The following DNAAF9 variants were observed in gnomAD, a reference collection of about 807,000 sequenced individuals.
The protein encoded by DNAAF9 is shulin.
DNAAF9 carries 90 observed loss-of-function variants against 167.0 expected under a neutral mutation model. The observed-to-expected ratio is 0.54, with a 90% confidence interval of 0.45 to 0.64. The LOEUF (loss-of-function observed/expected upper bound fraction) is 0.64, where lower values mean the gene tolerates loss of function less well. DNAAF9 is among the 30% of genes least tolerant of loss of function. DNAAF9 has a pLI of 0.00. For synonymous variants in DNAAF9, 491 were observed against 508.8 expected, an observed-to-expected ratio of 0.96 and a Z score of 0.47; for missense variants, 1,315 against 1,442.2, an observed-to-expected ratio of 0.91 and a Z score of 1.43.
chr20:3,372,307 A>G (rs2083521376), intron 6 of DNAAF9, among the ~76,000 whole-genome samples: 1 of 152,202 alleles, frequency 6.6e-6, no homozygotes, highest in South Asian at 2.1e-4. Flanking sequence ...AGGGGAAAGA[A>G]GACTGAGGTG....
chr20:3,282,999 A>G (rs1489564072), intron 27 of DNAAF9, among the ~76,000 whole-genome samples: 1 of 152,166 alleles, frequency 6.6e-6, no homozygotes, highest in African/African-American at 2.4e-5. Context: ...TGTCTCCATA[A>G]TAAGAATGTC....
chr20:3,281,559 T>C (rs2068764541), intron 28 of DNAAF9, 82 bp downstream of exon 28: 2 of 1,331,562 alleles, frequency 1.5e-6, no homozygotes, highest in East Asian at 2.5e-5. Flanking sequence ...AGGTGACTAA[T>C]GCATTCCAAA....
At chr20:3,368,814 G>A (rs1015276997) in intron 6 of DNAAF9, among the ~76,000 whole-genome samples, 7 of 149,572 alleles carry the variant, frequency 4.7e-5, no homozygotes, top group South Asian at 2.3e-4. Flanking sequence ...CACTGCGCCC[G>A]GCCATCCTGG....
intron 10 of DNAAF9, among the ~76,000 whole-genome samples, chr20:3,336,479 C>A (rs1600809916): frequency 6.6e-6 from 1 of 151,282 alleles, no homozygotes; most frequent in East Asian, 1.9e-4. Flanking sequence ...TCTTCAAGTT[C>A]ATTGATTCTT....
At chr20:3,276,350 G>A (rs1003827858) in intron 29 of DNAAF9, among the ~76,000 whole-genome samples, 2 of 152,284 alleles carry the variant, frequency 1.3e-5, no homozygotes, top group African/African-American at 4.8e-5. Flanking sequence ...GTCACTCCAT[G>A]AGCCCCTTGG....
intron 27 of DNAAF9, among the ~76,000 whole-genome samples, chr20:3,283,893 G>T (rs2068804463): frequency 6.6e-6 from 1 of 152,168 alleles, no homozygotes; most frequent in Non-Finnish European, 1.5e-5. Flanking sequence ...TAGAGAGAGT[G>T]CCTGGGGAAT....
chr20:3,407,017 G>C (rs1430482672), intron 1 of DNAAF9, among the ~76,000 whole-genome samples: 1 of 152,160 alleles, frequency 6.6e-6, no homozygotes, highest in African/African-American at 2.4e-5. Flanking sequence ...ACACGAGGGA[G>C]CTATTGTGTG....
chr20:3,404,375 G>A (rs1414045348), intron 1 of DNAAF9, among the ~76,000 whole-genome samples: 3 of 152,090 alleles, frequency 2.0e-5, no homozygotes, highest in East Asian at 1.9e-4. Flanking sequence ...AATCTCATTC[G>A]GCTTTCAATG....
Position 3,407,487 on chromosome 20 carries a change from G to T in DNAAF9, c.71C>A (p.Ser24Ter). 2 of 1,302,822 alleles carry T rather than the reference G, an allele frequency of 1.5e-6. No homozygotes were observed. The highest frequency in any genetic ancestry group is 4.6e-5 in the South Asian group (2 of 43,094). The allele number at this position is 1,302,822 out of a possible 1,614,324, so 80.7% of individuals were successfully genotyped here. ...CTGCCCCGCGTACCTGACGGAGGGT[G>T]ACCCGCGGCTGGAGCCGCCAGGGGA... ...ARSPGGSSRG[S>*]PSVSCSRLRQ... is the part of the protein sequence containing the mutation. The change falls in exon 1 of 37, where the codon TCA becomes TAA. Residue 24 changes from serine (S) to a stop codon, truncating the protein, a stop_gained. Coordinates refer to ENST00000252032, the MANE Select transcript of DNAAF9 (RefSeq NM_001009984.3). LOFTEE classifies it high-confidence loss of function.
At chr20:3,268,897 CTTTTTTTT>C (rs386393120) in intron 30 of DNAAF9, among the ~76,000 whole-genome samples, 6 of 85,844 alleles carry the variant, frequency 7.0e-5, no homozygotes, top group African/African-American at 1.4e-4. Flanking sequence ...CTCTATGTTA[CTTTTTTTT>C]TTTTTTTTTT....
At chr20:3,380,756 G>A (rs1266822791) in intron 3 of DNAAF9, among the ~76,000 whole-genome samples, 1 of 152,154 alleles carries the variant, frequency 6.6e-6, no homozygotes, top group African/African-American at 2.4e-5. Flanking sequence ...TGACCCATCT[G>A]GCATACAAGA....
chr20:3,319,883 C>T (rs2069583345), intron 16 of DNAAF9, among the ~76,000 whole-genome samples: 1 of 152,156 alleles, frequency 6.6e-6, no homozygotes, highest in South Asian at 2.1e-4. Context: ...AAAGCTGTCT[C>T]AAAGGATTTC....
In DNAAF9 at chr20:3,332,267, T is replaced by G; in HGVS notation, c.1063+13A>C. On this transcript the variant is annotated intron_variant, in intron 11 of 36. Coordinates refer to ENST00000252032, the MANE Select transcript of DNAAF9 (RefSeq NM_001009984.3). ...TAGATAAGCTGATGAGATGACAACT[T>G]ATAGGGACTTACCCAAGTAAGGAAC... 1 of 1,372,872 alleles carries G rather than the reference T, an allele frequency of 7.3e-7. No individual in the cohort carries two copies. Among genetic ancestry groups the G allele is most frequent in the East Asian group, 2.3e-5 (1 of 43,736 alleles). The allele number at this position is 1,372,872 out of a possible 1,614,324, so 85.0% of individuals were successfully genotyped here. A position where few individuals can be genotyped will look rare whatever the true frequency, so the allele number is the denominator to read the frequency against.
chr20:3,344,590 TACACACACACAC>T lies in DNAAF9; in HGVS notation c.790-871_790-860del, dbSNP rs4053351. Among the ~76,000 whole-genome samples the T allele has an allele frequency of 8.4e-3, 1,210 of 144,624 alleles. 12 individuals are homozygous for T. Among genetic ancestry groups the T allele is most frequent in the East Asian group, 0.03 (142 of 4,798 alleles). 94.9% of individuals were successfully genotyped at this position (144,624 alleles called of 152,430 possible). ...ATATAATGGAAAAAATACACACACA[TACACACACACAC>T]ACACACACACACACACACACACACA... On this transcript the variant is annotated intron_variant, in intron 8 of 36. Coordinates refer to ENST00000252032, the MANE Select transcript of DNAAF9 (RefSeq NM_001009984.3).
At chr20:3,253,144 C>T (rs1039372919) in intron 36 of DNAAF9, among the ~76,000 whole-genome samples, 1 of 151,844 alleles carries the variant, frequency 6.6e-6, no homozygotes, top group African/African-American at 2.4e-5. Flanking sequence ...GGCAACATGG[C>T]GAGACCTAGT....
chr20:3,300,906 C>A (rs199657061), intron 21 of DNAAF9, among the ~76,000 whole-genome samples: 2 of 149,762 alleles, frequency 1.3e-5, no homozygotes, highest in Non-Finnish European at 3.0e-5. Flanking sequence ...AAATGCAACT[C>A]ATTTTGAAAA....
intron 25 of DNAAF9, among the ~76,000 whole-genome samples, chr20:3,292,636 C>T (rs1471873210): frequency 6.6e-6 from 1 of 151,932 alleles, no homozygotes; most frequent in Non-Finnish European, 1.5e-5. Flanking sequence ...CTTGGTGGCA[C>T]ATGCCTGTAA....
rs774420505 is a variant in DNAAF9 at position 3,264,528 on chromosome 20, T to C, written c.2787-4A>G. On this transcript the variant is annotated splice_polypyrimidine_tract_variant and splice_region_variant and intron_variant, in intron 30 of 36. Transcript: ENST00000252032. ...AATCAGCTCAATGTCTTCATTCCTTTGAAAACACACAGAAAAGACCTAGAT... is the reference window on the plus strand; with the variant it reads ...AATCAGCTCAATGTCTTCATTCCTTCGAAAACACACAGAAAAGACCTAGAT... 2 of 1,434,170 alleles carry C rather than the reference T, an allele frequency of 1.4e-6. No individual in the cohort carries two copies. Among genetic ancestry groups the C allele is most frequent in the Non-Finnish European group, 2.0e-6 (2 of 1,017,848 alleles). The allele number at this position is 1,434,170 out of a possible 1,614,324, so 88.8% of individuals were successfully genotyped here. A position where few individuals can be genotyped will look rare whatever the true frequency, so the allele number is the denominator to read the frequency against.
intron 16 of DNAAF9, among the ~76,000 whole-genome samples, chr20:3,319,732 T>C (rs2069581159): frequency 6.6e-6 from 1 of 152,184 alleles, no homozygotes; most frequent in South Asian, 2.1e-4. Flanking sequence ...GGCCACAAGG[T>C]TGAAAGGAAA....
Sources: allele counts gnomAD v4.1 joint callset (sites outside exome capture counted in the v4.1 genomes callset), GRCh38; gene constraint gnomAD v4.1.1; transcripts MANE v1.5; gene names NCBI Gene and HGNC (gene_info 2026-07-23, HGNC 2026-07-21).